Variants in TG observed in about 807,000 individuals in gnomAD.
TG encodes the protein thyroid hormones.
Under a neutral mutation model 324.7 loss-of-function variants are expected in TG, and 270 were observed. That is an observed-to-expected ratio of 0.83 (90% CI 0.75 to 0.92). The LOEUF (loss-of-function observed/expected upper bound fraction) is 0.92. Ranked by LOEUF, TG falls within the 40% of genes least tolerant of loss-of-function variation. The probability of loss-of-function intolerance (pLI) is 0.00; values close to 1 mark genes in which losing one functional copy is unlikely to be tolerated. For missense variants in TG, 3,591 were observed against 3,456.4 expected, an observed-to-expected ratio of 1.04 and a Z score of -0.98; for synonymous variants, 1,401 against 1,327.0, an observed-to-expected ratio of 1.06 and a Z score of -1.21.
intron 34 of TG, among the ~76,000 whole-genome samples, chr8:132,982,068 G>A (rs1206329163): frequency 6.6e-6 from 1 of 152,202 alleles, no homozygotes; most frequent in Non-Finnish European, 1.5e-5. Flanking sequence ...AGTATTAAGA[G>A]TGAATCATAC....
intron 41 of TG, 58 bp from the exon 42 acceptor site, chr8:133,094,986 G>A: frequency 1.2e-6 from 2 of 1,611,270 alleles, no homozygotes; most frequent in Non-Finnish European, 8.5e-7. Flanking sequence ...AGGACTCCAG[G>A]TGAGCAGGGG....
At position 133,124,258 on chromosome 8, in the gene TG, A is replaced by G. The variant is rs551546148; in HGVS notation, c.7862+7542A>G. ...GTGCTGCATCTGGGTCTTTCTTCTG[A>G]AGGCCTTGGCCTCCAGGGTGCTGGG... is the stretch of plus-strand genomic sequence containing the variant. On this transcript the variant is annotated intron_variant, in intron 45 of 47. Coordinates refer to ENST00000220616, the MANE Select transcript of TG (RefSeq NM_003235.5). Among the ~76,000 whole-genome samples the G allele has an allele frequency of 4.0e-4, 61 of 152,296 alleles. No homozygotes were observed. The South Asian group carries it at 0.012, about 30-fold the overall frequency.
chr8:132,993,590 G>A (rs565062095), intron 35 of TG, among the ~76,000 whole-genome samples: 2 of 152,352 alleles, frequency 1.3e-5, no homozygotes, highest in East Asian at 3.9e-4. Context: ...GGTAATCTTT[G>A]TAAATGTTAC....
At chr8:132,895,172 C>T (rs1439672043) in intron 11 of TG, among the ~76,000 whole-genome samples, 1 of 152,278 alleles carries the variant, frequency 6.6e-6, no homozygotes, top group African/African-American at 2.4e-5. Context: ...AATGATTAAT[C>T]TGTCTTTGAA....
intron 41 of TG, among the ~76,000 whole-genome samples, chr8:133,079,648 T>C (rs16904824): frequency 6.6e-6 from 1 of 152,192 alleles, no homozygotes; most frequent in Non-Finnish European, 1.5e-5. Flanking sequence ...TGGTCCAGTA[T>C]GAGCAGATTT....
rs1447986860 is a variant in TG at position 132,881,757 on chromosome 8, A to G, written c.639-106A>G. The G allele has an allele frequency of 6.5e-5, 51 of 790,332 alleles. No individual in the cohort carries two copies. The South Asian group carries it at 6.8e-4, about 10-fold the overall frequency. 49.0% of individuals were successfully genotyped at this position (790,332 alleles called of 1,614,324 possible). A position where few individuals can be genotyped will look rare whatever the true frequency, so the allele number is the denominator to read the frequency against. The stretch of plus-strand genomic sequence containing the variant: ...CAACTGTCATGTGATAAGAAAGTAG[A>G]CATTCCTTTTCACTAGGCGTGGACT... On this transcript the variant is annotated intron_variant, in intron 5 of 47. Transcript: ENST00000220616.
chr8:133,131,994 C>G (rs770686776), intron 46 of TG, 48 bp downstream of exon 46: 1 of 1,612,930 alleles, frequency 6.2e-7, no homozygotes, highest in Admixed American at 1.7e-5. Flanking sequence ...GCTTTTCCTC[C>G]CGCTTCCTTC....
chr8:132,948,977 A>C, intron 27 of TG, 34 bp downstream of exon 27: 1 of 1,606,002 alleles, frequency 6.2e-7, no homozygotes, highest in Non-Finnish European at 8.5e-7. Flanking sequence ...ATTCTTTCAA[A>C]ATTACTCTTC....
chr8:133,083,544 G>C (rs908448030), intron 41 of TG, among the ~76,000 whole-genome samples: 3 of 152,104 alleles, frequency 2.0e-5, no homozygotes, highest in African/African-American at 7.2e-5. Context: ...CTATGCTCTT[G>C]ATGCCACACC....
intron 41 of TG, among the ~76,000 whole-genome samples, chr8:133,082,197 A>G (rs570237170): frequency 1.3e-5 from 2 of 152,214 alleles, no homozygotes; most frequent in East Asian, 3.8e-4. Flanking sequence ...AGGGTGTCTC[A>G]TAACACCAAC....
intron 3 of TG, 93 bp downstream of exon 3, chr8:132,869,919 G>A: frequency 8.9e-7 from 1 of 1,120,694 alleles, no homozygotes; most frequent in Non-Finnish European, 1.3e-6. Flanking sequence ...TGACTGAGCA[G>A]GTCCTCCCTC....
chr8:133,108,458 A>G (rs1001468825), intron 43 of TG, among the ~76,000 whole-genome samples: 4 of 152,202 alleles, frequency 2.6e-5, no homozygotes, highest in African/African-American at 4.8e-5. Flanking sequence ...CAACAAAGAC[A>G]ATAGACACAG....
intron 35 of TG, among the ~76,000 whole-genome samples, chr8:132,997,696 T>C (rs908481436): frequency 6.6e-6 from 1 of 152,132 alleles, no homozygotes; most frequent in Admixed American, 6.5e-5. Context: ...GGAAACTCAA[T>C]AGTAGTGATT....
chr8:132,887,573 G>A (rs1167057657), intron 9 of TG, 25 bp downstream of exon 9: 2 of 1,614,158 alleles, frequency 1.2e-6, no homozygotes, highest in African/African-American at 2.7e-5. Context: ...TATTCAATCT[G>A]TAGGTTCCCT....
chr8:132,928,692 G>T (rs1036105269), intron 22 of TG, among the ~76,000 whole-genome samples: 3 of 152,062 alleles, frequency 2.0e-5, no homozygotes, highest in African/African-American at 7.3e-5. Flanking sequence ...ATTTCGGAAA[G>T]AATTCAAGTT....
intron 41 of TG, among the ~76,000 whole-genome samples, chr8:133,082,020 A>G (rs1432619606): frequency 6.6e-6 from 1 of 152,186 alleles, no homozygotes; most frequent in Non-Finnish European, 1.5e-5. Flanking sequence ...CTTGGTGCCA[A>G]TTTAGAGTCT....
intron 39 of TG, among the ~76,000 whole-genome samples, 187 bp from the exon 40 acceptor site, chr8:133,021,804 C>A (rs1377406269): frequency 1.3e-5 from 2 of 152,148 alleles, no homozygotes; most frequent in East Asian, 3.9e-4. Flanking sequence ...ATACAGTGAA[C>A]TGCTGAGGTC....
intron 32 of TG, among the ~76,000 whole-genome samples, chr8:132,969,872 C>T (rs1829234866): frequency 6.9e-6 from 1 of 145,112 alleles, no homozygotes; most frequent in Non-Finnish European, 1.5e-5. Flanking sequence ...TGAGATTGCG[C>T]CACTGCACTC....
intron 41 of TG, among the ~76,000 whole-genome samples, chr8:133,081,390 A>G (rs1170684196): frequency 6.6e-6 from 1 of 152,250 alleles, no homozygotes; most frequent in Non-Finnish European, 1.5e-5. Context: ...TAAGCTAACT[A>G]TGAAAACCAT....
Sources: gnomAD v4.1 joint callset for allele counts (sites outside exome capture counted in the v4.1 genomes callset) on GRCh38, gnomAD v4.1.1 for gene constraint, MANE v1.5 for transcripts, NCBI Gene and HGNC (gene_info 2026-07-23, HGNC 2026-07-21) for gene names.